Variants in MCPH1 observed in about 807,000 individuals in gnomAD.
The protein encoded by MCPH1 is microcephalin.
MCPH1 carries 104 observed loss-of-function variants against 84.5 expected under a neutral mutation model. The observed-to-expected ratio is 1.23, with a 90% CI of 1.05 to 1.45. MCPH1 has a LOEUF of 1.45. Among genes scored for constraint, MCPH1 ranks in the 40% most tolerant of loss-of-function variants. The pLI is 0.00. For missense variants in MCPH1, 1,498 were observed against 1,005.7 expected (o/e 1.49, Z -6.62); for synonymous variants, 514 against 366.8 (o/e 1.40, Z -4.58).
intron 11 of MCPH1, among the ~76,000 whole-genome samples, chr8:6,493,842 A>G (rs1031195078): frequency 6.6e-6 from 1 of 152,230 alleles, no homozygotes; most frequent in East Asian, 1.9e-4. Flanking sequence ...TGTTTTACAC[A>G]TCGTCAAGCT....
chr8:6,589,609 T>G (rs2129577579), intron 12 of MCPH1, among the ~76,000 whole-genome samples: 1 of 152,324 alleles, frequency 6.6e-6, no homozygotes, highest in South Asian at 2.1e-4. Flanking sequence ...GCCTACTGTG[T>G]GCCAGGCATT....
At chr8:6,611,701 C>T (rs1322883700) in intron 12 of MCPH1, among the ~76,000 whole-genome samples, 2 of 152,194 alleles carry the variant, frequency 1.3e-5, no homozygotes, top group Admixed American at 6.5e-5. Context: ...TCCCTGCAAG[C>T]TCCGCCTCCC....
intron 12 of MCPH1, among the ~76,000 whole-genome samples, chr8:6,593,115 C>A (rs1336785950): frequency 1.5e-5 from 2 of 137,798 alleles, no homozygotes; most frequent in Admixed American, 1.5e-4. Context: ...CAGAGTTTCG[C>A]TCTTGTTGCC....
At chr8:6,493,940 A>ATTTTTT (rs34395353) in intron 11 of MCPH1, among the ~76,000 whole-genome samples, 1 of 147,618 alleles carries the variant, frequency 6.8e-6, no homozygotes, top group African/African-American at 2.5e-5. Flanking sequence ...GAAATAGTAA[A>ATTTTTT]TTTTTTTTTT....
chr8:6,477,689 C>T (rs1239993846), intron 10 of MCPH1, 58 bp downstream of exon 10: 2 of 1,456,606 alleles, frequency 1.4e-6, no homozygotes, highest in African/African-American at 2.8e-5. Flanking sequence ...CTCTCTTATA[C>T]TCTAATTCTG....
intron 12 of MCPH1, among the ~76,000 whole-genome samples, chr8:6,562,480 A>G (rs1413742210): frequency 6.8e-6 from 1 of 147,694 alleles, no homozygotes; most frequent in Non-Finnish European, 1.5e-5. Flanking sequence ...CTGGGATAGA[A>G]TAAAAGAAAT....
At position 6,419,767 on chromosome 8, in the gene MCPH1, G is replaced by C. The variant is rs192712912; in HGVS notation, c.233+4884G>C. Among the ~76,000 whole-genome samples the C allele has an allele frequency of 3.9e-5, 6 of 152,184 alleles. No individual in the cohort carries two copies. In the East Asian group the frequency reaches 1.2e-3, roughly 29 times the overall value. ...ACTCACTCCAGCCTCTCAAAGTGCT[G>C]GGATTACTGGTGTGAGCCACTGCAC... On this transcript the variant is annotated intron_variant, in intron 3 of 13. Transcript: ENST00000344683.
At position 6,445,351 on chromosome 8, in the gene MCPH1, T is replaced by G; in HGVS notation, c.1629T>G (p.Thr543=). 1 of 1,614,204 alleles carries G rather than the reference T, an allele frequency of 6.2e-7. No homozygotes were observed. Among genetic ancestry groups the G allele is most frequent in the Non-Finnish European group, 8.5e-7 (1 of 1,180,040 alleles). Residue 543 remains threonine, a synonymous_variant, in exon 8 of 14, where the codon ACT becomes ACG. Transcript: ENST00000344683. ...CAAAAGGACATGATGATGATTTAAC[T>G]CCTTTGGAAGGAAGCCTTGAAGAAA... ...ALPKGHDDDL[T]PLEGSLEEMK...
chr8:6,522,415 A>G (rs1054262463), intron 12 of MCPH1, among the ~76,000 whole-genome samples: 7 of 152,034 alleles, frequency 4.6e-5, no homozygotes, highest in African/African-American at 9.7e-5. Context: ...TTAACAGTCA[A>G]TGAATGTTTG....
chr8:6,532,574 T>TAAA (rs10662997), intron 12 of MCPH1: 91,548 of 575,994 alleles, frequency 0.16, 5,600 homozygotes, highest in Admixed American at 0.25. Context: ...TCCCTATCTT[T>TAAA]AAAAAAAAAA....
At chr8:6,418,883 AT>A (rs1259888150) in intron 3 of MCPH1, among the ~76,000 whole-genome samples, 3 of 150,312 alleles carry the variant, frequency 2.0e-5, no homozygotes, top group South Asian at 2.1e-4. Flanking sequence ...CCCGGCCAGG[AT>A]TTTTTTTTTA....
chr8:6,489,749 G>T (rs985463947), intron 11 of MCPH1, among the ~76,000 whole-genome samples: 1 of 152,212 alleles, frequency 6.6e-6, no homozygotes, highest in Non-Finnish European at 1.5e-5. Context: ...CTGCAACACA[G>T]ATCATCGTCC....
In MCPH1 at chr8:6,436,092, A is replaced by G; in HGVS notation, c.366A>G (p.Glu122=). The G allele has an allele frequency of 5.0e-6, 8 of 1,613,856 alleles. No individual in the cohort carries two copies. Among genetic ancestry groups the G allele is most frequent in the Non-Finnish European group, 6.8e-6 (8 of 1,179,824 alleles). ...AAGATTTTAATTTTAAAACACCAGA[A>G]AATGATAAGAGATTTCAGAAGAAAT... ...QPKDFNFKTP[E]NDKRFQKKFE... Residue 122 remains glutamate, a synonymous_variant, in exon 5 of 14, where the codon GAA becomes GAG. Transcript: ENST00000344683.
At chr8:6,533,994 T>A (rs1820022700) in intron 12 of MCPH1, among the ~76,000 whole-genome samples, 2 of 152,156 alleles carry the variant, frequency 1.3e-5, no homozygotes, top group Admixed American at 1.3e-4. Context: ...GTTTCCTGTT[T>A]CCGATGCCCC....
At chr8:6,480,093 G>A (rs1230218364) in intron 10 of MCPH1, among the ~76,000 whole-genome samples, 2 of 151,878 alleles carry the variant, frequency 1.3e-5, no homozygotes, top group Non-Finnish European at 2.9e-5. Flanking sequence ...TCTGATGTCA[G>A]GGGCCTGGTT....
At chr8:6,555,680 T>G (rs928606457) in intron 12 of MCPH1, among the ~76,000 whole-genome samples, 7 of 152,008 alleles carry the variant, frequency 4.6e-5, no homozygotes, top group Non-Finnish European at 1.0e-4. Flanking sequence ...CCAGGCTGGT[T>G]TTGAACTCCT....
At chr8:6,451,335 C>G (rs530835800) in intron 8 of MCPH1, among the ~76,000 whole-genome samples, 2 of 152,294 alleles carry the variant, frequency 1.3e-5, no homozygotes, top group East Asian at 3.9e-4. Context: ...TCCGTATCTA[C>G]TATGTCCAAT....
At chr8:6,509,140 A>G in intron 12 of MCPH1, 1 of 1,546,060 alleles carries the variant, frequency 6.5e-7, no homozygotes, top group Non-Finnish European at 8.7e-7. Flanking sequence ...TGTGATGAAG[A>G]ATTCCATTCT....
chr8:6,510,401 C>G (rs1189755864), intron 12 of MCPH1, among the ~76,000 whole-genome samples: 2 of 152,176 alleles, frequency 1.3e-5, no homozygotes, highest in Admixed American at 1.3e-4. Flanking sequence ...TGATGCCCTT[C>G]TTTGTAAAAC....
Sources: gnomAD v4.1 joint callset for allele counts (sites outside exome capture counted in the v4.1 genomes callset) on GRCh38, gnomAD v4.1.1 for gene constraint, MANE v1.5 for transcripts, NCBI Gene and HGNC (gene_info 2026-07-23, HGNC 2026-07-21) for gene names.